The following CNIH3 variants were observed in gnomAD, a reference collection of about 807,000 sequenced individuals.
CNIH3 encodes cornichon family AMPA receptor auxiliary protein 3, also known as protein cornichon homolog 3.
A neutral mutation model predicts 24.1 loss-of-function variants in CNIH3; 14 were observed. That is an observed-to-expected ratio of 0.58 (90% CI 0.38 to 0.91). The LOEUF (loss-of-function observed/expected upper bound fraction) is 0.91, where lower values mean the gene tolerates loss of function less well. CNIH3 is among the 40% of genes least tolerant of loss of function. The probability of loss-of-function intolerance (pLI) is 0.00; values close to 1 mark genes in which losing one functional copy is unlikely to be tolerated. For synonymous variants in CNIH3, 68 were observed against 73.8 expected, an observed-to-expected ratio of 0.92 and a Z score of 0.40; for missense variants, 178 against 196.8, an observed-to-expected ratio of 0.90 and a Z score of 0.57.
At chr1:224,687,508 C>T (rs1686719111) in intron 3 of CNIH3, among the ~76,000 whole-genome samples, 1 of 152,188 alleles carries the variant, frequency 6.6e-6, no homozygotes. Flanking sequence ...GCTGGAATTA[C>T]AAGGATGAGC....
At chr1:224,612,417 T>G (rs1273012262), upstream of CNIH3, among the ~76,000 whole-genome samples, 2 of 152,136 alleles carry the variant, frequency 1.3e-5, no homozygotes, top group African/African-American at 4.8e-5. This position sits in a 1 kb window ranked among gnomAD's most constrained non-coding sequence, Gnocchi z 4.7. Flanking sequence ...CCTTTAGTAC[T>G]CTGTGGCGCT....
At chr1:224,452,563 C>T (rs1339520721) in intron 1 of CNIH3, among the ~76,000 whole-genome samples, 358 of 149,018 alleles carry the variant, frequency 2.4e-3, no homozygotes, top group African/African-American at 8.3e-3. Context: ...GGGCGGATCA[C>T]AAGGTCAGGA....
chr1:224,662,271 C>T (rs1396325492), intron 1 of CNIH3, among the ~76,000 whole-genome samples: 3 of 152,124 alleles, frequency 2.0e-5, no homozygotes, highest in Non-Finnish European at 4.4e-5. Context: ...GTCTAGATTA[C>T]GTATGAGAGC....
chr1:224,523,252 G>T (rs1037099995), intron 2 of CNIH3, among the ~76,000 whole-genome samples: 3 of 151,438 alleles, frequency 2.0e-5, no homozygotes, highest in African/African-American at 7.3e-5. Context: ...AAAAAAAAAA[G>T]TTCTTAGCAA....
intron 1 of CNIH3, among the ~76,000 whole-genome samples, chr1:224,654,958 A>G (rs1227761702): frequency 1.3e-5 from 2 of 152,146 alleles, no homozygotes; most frequent in African/African-American, 2.4e-5. Context: ...TGGCTCGTGT[A>G]TCTTTTAGGG....
rs1409945981 is a variant in CNIH3 at position 224,680,947 on chromosome 1, T to C, written c.82-11T>C. On this transcript the variant is annotated splice_polypyrimidine_tract_variant and intron_variant, in intron 1 of 5. Coordinates refer to ENST00000272133, the MANE Select transcript of CNIH3 (RefSeq NM_152495.2). ...TGCACTAACACCTCAAATCTCTGTA[T>C]TCTGTTTCAGATAATTGCCTTTGAT... The C allele has an allele frequency of 6.2e-6, 10 of 1,609,560 alleles. No individual in the cohort carries two copies. The highest frequency in any genetic ancestry group is 8.5e-6 in the Non-Finnish European group (10 of 1,175,940).
At chr1:224,575,281 T>C (rs889039968) in intron 4 of CNIH3, 6 of 1,133,860 alleles carry the variant, frequency 5.3e-6, no homozygotes, top group Non-Finnish European at 8.1e-6. Context: ...AACTTTGAAC[T>C]GAACAGCCAG....
chr1:224,710,188 C>T (rs887496661), intron 3 of CNIH3, among the ~76,000 whole-genome samples: 10 of 152,196 alleles, frequency 6.6e-5, no homozygotes, highest in African/African-American at 2.4e-4. Context: ...ACAGCATGTT[C>T]GTTCACCCAT....
chr1:224,630,892 T>C (rs1683785188), intron 1 of CNIH3, among the ~76,000 whole-genome samples: 1 of 152,068 alleles, frequency 6.6e-6, no homozygotes, highest in Non-Finnish European at 1.5e-5. Flanking sequence ...CTTTGCAGTG[T>C]CTGTAAAAAC....
At chr1:224,489,550 A>G (rs1196401610) in intron 1 of CNIH3, among the ~76,000 whole-genome samples, 2 of 152,094 alleles carry the variant, frequency 1.3e-5, no homozygotes, top group Non-Finnish European at 2.9e-5. Flanking sequence ...ACTCCCCTCC[A>G]GCATCTACCT....
At position 224,732,558 on chromosome 1, in the gene CNIH3, G is replaced by A. The variant is rs547543171; in HGVS notation, c.311+1984G>A. On this transcript the variant is annotated intron_variant, in intron 4 of 5. Coordinates refer to ENST00000272133, the MANE Select transcript of CNIH3 (RefSeq NM_152495.2). ...TTAACCTGTGTTGCTCAGCTCGGAC[G>A]TGGCAGGGCTGAGGTTACACCCCAC... Among the ~76,000 whole-genome samples, 25 of 152,264 alleles carry A rather than the reference G, an allele frequency of 1.6e-4. No individual in the cohort carries two copies. In the South Asian group the frequency reaches 4.6e-3, roughly 28 times the overall value.
intron 1 of CNIH3, among the ~76,000 whole-genome samples, chr1:224,475,602 C>T (rs138268573): frequency 1.1e-3 from 174 of 152,250 alleles, no homozygotes; most frequent in African/African-American, 3.8e-3. Flanking sequence ...AAAATTTCGT[C>T]AGCAAAGAAA....
At position 224,658,947 on chromosome 1, in the gene CNIH3, G is replaced by A. The variant is rs138197495; in HGVS notation, c.82-22011G>A. On this transcript the variant is annotated intron_variant, in intron 1 of 5. Transcript: ENST00000272133. ...TAACCTTTTATAATTTTCTATCAGA[G>A]CAGATCAATGCTTCAAGAAAATCTT... Among the ~76,000 whole-genome samples the A allele has an allele frequency of 2.0e-3, 299 of 152,272 alleles. 3 individuals carry two copies. The highest frequency in any genetic ancestry group is 6.9e-3 in the African/African-American group (287 of 41,548).
At chr1:224,588,833 A>G (rs1681619157), downstream of CNIH3, among the ~76,000 whole-genome samples, 1 of 147,694 alleles carries the variant, frequency 6.8e-6, no homozygotes, top group Non-Finnish European at 1.5e-5. Context: ...AAGACTTTGG[A>G]TAATAAGGAC....
intron 4 of CNIH3, among the ~76,000 whole-genome samples, chr1:224,577,614 G>C (rs559031576): frequency 6.6e-5 from 10 of 152,252 alleles, no homozygotes; most frequent in African/African-American, 2.4e-4. Context: ...CTGCTGGTGA[G>C]AATGTAAACT....
At chr1:224,526,614 A>G (rs1436139253) in intron 2 of CNIH3, among the ~76,000 whole-genome samples, 2 of 152,206 alleles carry the variant, frequency 1.3e-5, no homozygotes, top group South Asian at 2.1e-4. Context: ...TCAGTATTAC[A>G]AATTATCTCC....
rs370939766 is a variant in CNIH3 at position 224,643,295 on chromosome 1, A to T, written c.81+26040A>T. Among the ~76,000 whole-genome samples the T allele has an allele frequency of 5.3e-5, 8 of 152,376 alleles. No homozygotes were observed. The East Asian group carries it at 9.6e-4, about 18-fold the overall frequency. On this transcript the variant is annotated intron_variant, in intron 1 of 5. Coordinates refer to ENST00000272133, the MANE Select transcript of CNIH3 (RefSeq NM_152495.2). ...AATGTAGAATGAGAAATTACACTCC[A>T]GTACGGTGGTTTCTGTGTCTACAGT...
intron 3 of CNIH3, among the ~76,000 whole-genome samples, chr1:224,687,133 CCTT>C (rs1686701253): frequency 6.6e-6 from 1 of 152,226 alleles, no homozygotes; most frequent in Admixed American, 6.5e-5. Flanking sequence ...CGTGATCACA[CCTT>C]CTGCAGCCTG....
chr1:224,673,244 C>T (rs1362033042), intron 1 of CNIH3, among the ~76,000 whole-genome samples: 3 of 152,174 alleles, frequency 2.0e-5, no homozygotes, highest in Non-Finnish European at 4.4e-5. Flanking sequence ...CACAGTCCTG[C>T]AAGTCACATA....
Sources: allele counts gnomAD v4.1 joint callset (sites outside exome capture counted in the v4.1 genomes callset), GRCh38; gene constraint gnomAD v4.1.1; non-coding constraint Gnocchi (gnomAD v3.1); transcripts MANE v1.5; gene names NCBI Gene and HGNC (gene_info 2026-07-23, HGNC 2026-07-21).